The following SPAG16 variants were observed in gnomAD, a reference collection of about 807,000 sequenced individuals.
SPAG16 encodes the protein sperm-associated antigen 16 protein.
Under a neutral mutation model 80.4 loss-of-function variants are expected in SPAG16, and 86 were observed. That is an observed-to-expected ratio of 1.07 (90% CI 0.90 to 1.28). The LOEUF (loss-of-function observed/expected upper bound fraction) is 1.28. Ranked by LOEUF, SPAG16 falls within the 50% of genes most tolerant of loss-of-function variation. SPAG16 has a pLI of 0.00. For missense variants in SPAG16, 870 were observed against 765.3 expected (o/e 1.14, Z -1.61); for synonymous variants, 294 against 265.9 (o/e 1.11, Z -1.03).
chr2:213,575,920 C>T (rs1344027325), intron 10 of SPAG16, among the ~76,000 whole-genome samples: 2 of 152,004 alleles, frequency 1.3e-5, no homozygotes, highest in Non-Finnish European at 2.9e-5. Flanking sequence ...TAATTGATTC[C>T]TATGTTTTTC....
At chr2:213,345,994 T>C (rs1441087433) in intron 6 of SPAG16, among the ~76,000 whole-genome samples, 1 of 152,192 alleles carries the variant, frequency 6.6e-6, no homozygotes, top group African/African-American at 2.4e-5. Flanking sequence ...TTCACGATAT[T>C]GATTCTTCCT....
chr2:213,737,243 C>A (rs2067322372), intron 10 of SPAG16, among the ~76,000 whole-genome samples: 1 of 152,198 alleles, frequency 6.6e-6, no homozygotes. Flanking sequence ...AAAGGGGAAT[C>A]TACACCTTCA....
At chr2:213,496,909 G>A (rs2074518182) in intron 10 of SPAG16, among the ~76,000 whole-genome samples, 1 of 151,142 alleles carries the variant, frequency 6.6e-6, no homozygotes, top group South Asian at 2.1e-4. Context: ...TAATTTTTAT[G>A]TTTACATCCC....
intron 9 of SPAG16, among the ~76,000 whole-genome samples, chr2:213,463,400 G>C (rs1317257914): frequency 6.6e-6 from 1 of 152,236 alleles, no homozygotes; most frequent in Non-Finnish European, 1.5e-5. Context: ...GGGCATGTCA[G>C]AGACAGTCTT....
chr2:213,703,181 G>C (rs1343517734), intron 10 of SPAG16, among the ~76,000 whole-genome samples: 1 of 152,162 alleles, frequency 6.6e-6, no homozygotes, highest in African/African-American at 2.4e-5. Context: ...AACGGACATG[G>C]AGGAAGAGTG....
intron 15 of SPAG16, among the ~76,000 whole-genome samples, chr2:214,226,207 C>A (rs112284142): frequency 0.018 from 2,734 of 152,166 alleles, 53 homozygotes; most frequent in African/African-American, 0.043. Flanking sequence ...TTGGTAGGGG[C>A]TAGCCCGTCT....
intron 15 of SPAG16, among the ~76,000 whole-genome samples, chr2:214,312,667 C>G (rs997780239): frequency 6.6e-6 from 1 of 152,090 alleles, no homozygotes; most frequent in Non-Finnish European, 1.5e-5. Context: ...CACTAATAAT[C>G]TTTTATCACC....
Position 214,224,434 on chromosome 2 carries a change from A to C in SPAG16, c.1720+75168A>C, listed in dbSNP as rs549213199. 9.8e-5 allele frequency among the ~76,000 whole-genome samples: 15 copies of C among 152,310 alleles called. No homozygotes were observed. The South Asian group carries it at 3.1e-3, about 32-fold the overall frequency. Reference sequence around the variant, plus strand: ...GTTTATAATTTCTTCAGTATGTGCAAATACTATAATTTTGATGTATAAGTA... The same window carrying C: ...GTTTATAATTTCTTCAGTATGTGCACATACTATAATTTTGATGTATAAGTA... On this transcript the variant is annotated intron_variant, in intron 15 of 15. Coordinates refer to ENST00000331683, the MANE Select transcript of SPAG16 (RefSeq NM_024532.5).
intron 11 of SPAG16, among the ~76,000 whole-genome samples, chr2:213,874,401 C>A (rs908236421): frequency 3.3e-5 from 5 of 151,962 alleles, no homozygotes; most frequent in Admixed American, 2.6e-4. Flanking sequence ...ATAAATTTTT[C>A]TCTATTTTTT....
intron 10 of SPAG16, among the ~76,000 whole-genome samples, chr2:213,643,767 C>CTTTTTTTTTTTTT (rs71063764): frequency 3.8e-5 from 2 of 52,004 alleles, no homozygotes; most frequent in African/African-American, 1.7e-4. Context: ...CTCACTACTT[C>CTTTTTTTTTTTTT]TTTTTTTTTT....
intron 10 of SPAG16, among the ~76,000 whole-genome samples, chr2:213,819,670 A>C (rs561849621): frequency 1.3e-5 from 2 of 152,140 alleles, no homozygotes; most frequent in East Asian, 3.9e-4. Context: ...TCAGCCTCCC[A>C]AGTAGCTGGG....
intron 10 of SPAG16, among the ~76,000 whole-genome samples, chr2:213,675,761 C>G (rs1406575143): frequency 6.6e-6 from 1 of 151,950 alleles, no homozygotes; most frequent in Non-Finnish European, 1.5e-5. Flanking sequence ...GTTTTGGTAC[C>G]AGTACCATGC....
intron 15 of SPAG16, chr2:214,281,361 T>C (rs186483663): frequency 1.5e-5 from 3 of 203,860 alleles, no homozygotes; most frequent in Non-Finnish European, 3.1e-5. Flanking sequence ...TTTCTGAGCA[T>C]AGTAATCAAT....
At chr2:214,286,785 GT>G (rs1693399442) in intron 15 of SPAG16, among the ~76,000 whole-genome samples, 1 of 151,994 alleles carries the variant, frequency 6.6e-6, no homozygotes, top group Admixed American at 6.6e-5. Flanking sequence ...AAAAATAACA[GT>G]GATAACTTGT....
rs527424723 is a variant in SPAG16 at position 213,316,941 on chromosome 2, C to T, written c.399-278C>T. On this transcript the variant is annotated intron_variant, in intron 4 of 15. Transcript: ENST00000331683. ...GAATGGAAACTCCATGAAATAGGGA[C>T]GTAGACATTTTTGTCAATTTTAATA... Among the ~76,000 whole-genome samples the T allele has an allele frequency of 2.5e-4, 38 of 152,030 alleles. No homozygotes were observed. In the South Asian group the frequency reaches 5.2e-3, roughly 21 times the overall value.
chr2:214,186,820 C>T (rs952632268), intron 15 of SPAG16, among the ~76,000 whole-genome samples: 7 of 151,900 alleles, frequency 4.6e-5, no homozygotes, highest in African/African-American at 7.3e-5. Flanking sequence ...AGTGCAATGG[C>T]ACGATCTCAG....
At chr2:213,849,959 G>A (rs899296026) in intron 10 of SPAG16, among the ~76,000 whole-genome samples, 17 of 152,062 alleles carry the variant, frequency 1.1e-4, no homozygotes, top group Admixed American at 2.0e-4. Flanking sequence ...AAAGAAGTGC[G>A]GTGATTTAGT....
intron 15 of SPAG16, among the ~76,000 whole-genome samples, chr2:214,185,335 G>T (rs1236805474): frequency 6.6e-6 from 1 of 151,980 alleles, no homozygotes; most frequent in Non-Finnish European, 1.5e-5. Flanking sequence ...ATAATTTATG[G>T]TTATTGTACA....
In SPAG16 at chr2:214,254,550, A is replaced by T. The variant is rs998145191; in HGVS notation, c.1720+105284A>T. On this transcript the variant is annotated intron_variant, in intron 15 of 15. Coordinates refer to ENST00000331683, the MANE Select transcript of SPAG16 (RefSeq NM_024532.5). Reference sequence around the variant, plus strand: ...CTTAAAACAATCGGTCAGCTTAGTCAGTCAGTAGTGTTTGAGAGACCTGAA... The same window carrying T: ...CTTAAAACAATCGGTCAGCTTAGTCTGTCAGTAGTGTTTGAGAGACCTGAA... 4.6e-5 allele frequency among the ~76,000 whole-genome samples: 7 copies of T among 152,196 alleles called. No homozygotes were observed. The South Asian group carries it at 1.2e-3, about 27-fold the overall frequency.
Sources: gnomAD v4.1 joint callset for allele counts (sites outside exome capture counted in the v4.1 genomes callset) on GRCh38, gnomAD v4.1.1 for gene constraint, MANE v1.5 for transcripts, NCBI Gene and HGNC (gene_info 2026-07-23, HGNC 2026-07-21) for gene names.